The following CYYR1 variants were observed in gnomAD, a reference collection of about 807,000 sequenced individuals.
The protein encoded by CYYR1 is cysteine and tyrosine-rich protein 1.
CYYR1 carries 14 observed loss-of-function variants against 15.2 expected under a neutral mutation model. The ratio of observed to expected loss-of-function variants is 0.92; its 90% CI spans 0.61 to 1.44. CYYR1 has a LOEUF of 1.44. Ranked by LOEUF, CYYR1 falls within the 40% of genes most tolerant of loss-of-function variation. The pLI is 0.00. For synonymous variants in CYYR1, 80 were observed against 77.4 expected, an observed-to-expected ratio of 1.03 and a Z score of -0.18; for missense variants, 228 against 209.5, an observed-to-expected ratio of 1.09 and a Z score of -0.54.
chr21:26,514,693 G>C (rs1303777587), intron 2 of CYYR1, among the ~76,000 whole-genome samples: 1 of 152,198 alleles, frequency 6.6e-6, no homozygotes, highest in African/African-American at 2.4e-5. Context: ...CAGAGTCAGA[G>C]GGAACTAACT....
intron 2 of CYYR1, among the ~76,000 whole-genome samples, chr21:26,558,596 T>C (rs1320409511): frequency 6.6e-6 from 1 of 152,168 alleles, no homozygotes; most frequent in African/African-American, 2.4e-5. Context: ...ATTGAATCCC[T>C]GGAAACTTCT....
At position 26,466,594 on chromosome 21, in the gene CYYR1, C is replaced by G. The variant is rs1008061149; in HGVS notation, c.*1907G>C. 1 of 152,000 alleles carries G rather than the reference C, an allele frequency of 6.6e-6. No homozygotes were observed. Among genetic ancestry groups the G allele is most frequent in the African/African-American group, 2.4e-5 (1 of 41,390 alleles). 9.4% of individuals were successfully genotyped at this position (152,000 alleles called of 1,614,324 possible). A position where few individuals can be genotyped will look rare whatever the true frequency, so the allele number is the denominator to read the frequency against. ...TTATTGATGGTGAAGATGAGAAAAC[C>G]CTATTTCTGCTGATCTTTCCTTTCC... On this transcript the variant is annotated 3_prime_UTR_variant, in exon 4 of 4. Transcript: ENST00000652641.
At chr21:26,536,748 G>A (rs978593831) in intron 2 of CYYR1, among the ~76,000 whole-genome samples, 2 of 151,808 alleles carry the variant, frequency 1.3e-5, no homozygotes, top group South Asian at 4.2e-4. Flanking sequence ...GGGCACCACT[G>A]CATCACAGTC....
chr21:26,527,393 A>G lies in CYYR1; in HGVS notation c.176+38873T>C, dbSNP rs117239636. 1.4e-3 allele frequency among the ~76,000 whole-genome samples: 219 copies of G among 152,338 alleles called. 4 individuals carry two copies. The East Asian group carries it at 0.036, about 25-fold the overall frequency. The stretch of plus-strand genomic sequence containing the variant: ...AATTCTGTAAAATATAACCCAATTT[A>G]CATAACCAAATAAAGTCAAATCACT... On this transcript the variant is annotated intron_variant, in intron 2 of 3. Transcript: ENST00000652641.
chr21:26,511,263 C>G (rs1197139846), intron 2 of CYYR1, among the ~76,000 whole-genome samples: 2 of 152,170 alleles, frequency 1.3e-5, no homozygotes, highest in African/African-American at 2.4e-5. Flanking sequence ...TTAGTAACAT[C>G]TTTACAGTTC....
At chr21:26,473,368 C>T (rs1442282092) in intron 3 of CYYR1, among the ~76,000 whole-genome samples, 7 of 152,020 alleles carry the variant, frequency 4.6e-5, no homozygotes, top group African/African-American at 1.2e-4. Context: ...TCAATACTGC[C>T]CATTTATCCT....
chr21:26,538,942 T>C (rs986735158), intron 2 of CYYR1, among the ~76,000 whole-genome samples: 2 of 152,192 alleles, frequency 1.3e-5, no homozygotes, highest in Non-Finnish European at 2.9e-5. Context: ...ATGCACCACC[T>C]AATAAACTTT....
chr21:26,469,611 T>C (rs1181610673), intron 3 of CYYR1, among the ~76,000 whole-genome samples: 1 of 152,100 alleles, frequency 6.6e-6, no homozygotes, highest in Non-Finnish European at 1.5e-5. Context: ...TCTCAAACAT[T>C]TGTCATTTCT....
intron 2 of CYYR1, among the ~76,000 whole-genome samples, chr21:26,488,845 T>C (rs1342063576): frequency 1.3e-5 from 2 of 152,110 alleles, no homozygotes; most frequent in African/African-American, 4.8e-5. Context: ...GTATCCTTAA[T>C]AACAACATGG....
rs575696006 is a variant in CYYR1 at position 26,516,636 on chromosome 21, T to C, written c.177-36207A>G. On this transcript the variant is annotated intron_variant, in intron 2 of 3. Coordinates refer to ENST00000652641, the MANE Select transcript of CYYR1 (RefSeq NM_001320768.2). Reference sequence around the variant, plus strand: ...CAATAGTATCTGTACATATTATGTATGATAATGGTCAAACTCAGATTCACT... The same window carrying C: ...CAATAGTATCTGTACATATTATGTACGATAATGGTCAAACTCAGATTCACT... Among the ~76,000 whole-genome samples, 8 of 152,366 alleles carry C rather than the reference T, an allele frequency of 5.3e-5. No homozygotes were observed. The South Asian group carries it at 1.7e-3, about 32-fold the overall frequency.
At chr21:26,539,123 C>T (rs1312490839) in intron 2 of CYYR1, among the ~76,000 whole-genome samples, 1 of 152,028 alleles carries the variant, frequency 6.6e-6, no homozygotes, top group Non-Finnish European at 1.5e-5. Context: ...TCAAAGATGC[C>T]AGAAATGCTG....
At chr21:26,558,924 G>C (rs371261439) in intron 2 of CYYR1, among the ~76,000 whole-genome samples, 2 of 152,090 alleles carry the variant, frequency 1.3e-5, no homozygotes, top group African/African-American at 4.8e-5. Context: ...TAAATAATAC[G>C]TCAATCAACA....
At chr21:26,498,785 C>A (rs1377496610) in intron 2 of CYYR1, among the ~76,000 whole-genome samples, 1 of 152,130 alleles carries the variant, frequency 6.6e-6, no homozygotes, top group Non-Finnish European at 1.5e-5. Context: ...ACACGTTCTT[C>A]TTCACATGGC....
intron 2 of CYYR1, chr21:26,482,420 C>T (rs994111306): frequency 4.4e-5 from 43 of 985,106 alleles, no homozygotes; most frequent in Non-Finnish European, 4.8e-5. Flanking sequence ...GTTCTGCTCC[C>T]CTGATGATTT....
At position 26,468,466 on chromosome 21, in the gene CYYR1, C is replaced by A. The variant is rs199720360; in HGVS notation, c.*35G>T. 3.8e-6 allele frequency: 5 copies of A among 1,302,752 alleles called. No homozygotes were observed. The highest frequency in any genetic ancestry group is 3.5e-5 in the South Asian group (3 of 84,966). 80.7% of individuals were successfully genotyped at this position (1,302,752 alleles called of 1,614,324 possible). A position where few individuals can be genotyped will look rare whatever the true frequency, so the allele number is the denominator to read the frequency against. On this transcript the variant is annotated 3_prime_UTR_variant, in exon 4 of 4. Coordinates refer to ENST00000652641, the MANE Select transcript of CYYR1 (RefSeq NM_001320768.2). Reference sequence around the variant, plus strand: ...AGAGGCATTTTATTCCAGGCAAGATCGCCCATTGGCACATGTTCTGTTCTG... The same window carrying A: ...AGAGGCATTTTATTCCAGGCAAGATAGCCCATTGGCACATGTTCTGTTCTG...
chr21:26,500,004 T>C (rs1451788301), intron 2 of CYYR1, among the ~76,000 whole-genome samples: 1 of 152,076 alleles, frequency 6.6e-6, no homozygotes, highest in African/African-American at 2.4e-5. Flanking sequence ...TAGAAATTTA[T>C]TTCTCATAGT....
chr21:26,546,091 A>G (rs937371383), intron 2 of CYYR1, among the ~76,000 whole-genome samples: 2 of 152,178 alleles, frequency 1.3e-5, no homozygotes, highest in African/African-American at 4.8e-5. Flanking sequence ...TTCCAAACAG[A>G]GAAGAGAAAG....
intron 2 of CYYR1, among the ~76,000 whole-genome samples, chr21:26,489,630 T>C (rs923234933): frequency 6.6e-6 from 1 of 151,994 alleles, no homozygotes; most frequent in Non-Finnish European, 1.5e-5. Context: ...CCAAATGTCA[T>C]CATTTGGTTA....
chr21:26,564,987 T>C (rs143886092), intron 2 of CYYR1, among the ~76,000 whole-genome samples: 3,673 of 152,324 alleles, frequency 0.024, 48 homozygotes, highest in Middle Eastern at 0.037. Context: ...AGTTTTCTAA[T>C]GTAAAAAGTG....
Sources: allele counts gnomAD v4.1 joint callset (sites outside exome capture counted in the v4.1 genomes callset), GRCh38; gene constraint gnomAD v4.1.1; transcripts MANE v1.5; gene names NCBI Gene and HGNC (gene_info 2026-07-23, HGNC 2026-07-21).